The following SPTSSA variants were observed in gnomAD, a reference collection of about 807,000 sequenced individuals.
SPTSSA encodes the protein small subunit of serine palmitoyltransferase A.
Under a neutral mutation model 9.1 loss-of-function variants are expected in SPTSSA, and 8 were observed. The ratio of observed to expected loss-of-function variants is 0.88; its 90% CI spans 0.51 to 1.58. The LOEUF is 1.58. Ranked by LOEUF, SPTSSA falls within the 40% of genes most tolerant of loss-of-function variation. The probability of loss-of-function intolerance (pLI) is 0.00; values close to 1 mark genes in which losing one functional copy is unlikely to be tolerated. For missense variants in SPTSSA, 100 were observed against 93.8 expected, an observed-to-expected ratio of 1.07 and a Z score of -0.27; for synonymous variants, 42 against 37.7, an observed-to-expected ratio of 1.11 and a Z score of -0.41.
chr14:34,458,294 G>T (rs1878531834), intron 1 of SPTSSA, among the ~76,000 whole-genome samples: 1 of 151,812 alleles, frequency 6.6e-6, no homozygotes, highest in African/African-American at 2.4e-5. Flanking sequence ...CCAGGTTCAA[G>T]AGATTCTGGT....
At chr14:34,452,761 CCCAGT>C (rs1028615721) in intron 1 of SPTSSA, among the ~76,000 whole-genome samples, 67 of 152,274 alleles carry the variant, frequency 4.4e-4, no homozygotes, top group African/African-American at 1.5e-3. Context: ...GGAAAAATTT[CCCAGT>C]CTGCTCTGAA....
At chr14:34,455,521 C>T (rs1047451772) in intron 1 of SPTSSA, among the ~76,000 whole-genome samples, 2 of 152,148 alleles carry the variant, frequency 1.3e-5, no homozygotes, top group African/African-American at 4.8e-5. Context: ...TCACCAACTA[C>T]CTTTTTGTAT....
At chr14:34,438,622 T>A (rs1883275551) in intron 1 of SPTSSA, among the ~76,000 whole-genome samples, 1 of 152,138 alleles carries the variant, frequency 6.6e-6, no homozygotes, top group African/African-American at 2.4e-5. Context: ...CGAGTCCAAT[T>A]TTGCCGATTA....
intron 1 of SPTSSA, among the ~76,000 whole-genome samples, chr14:34,447,970 G>C (rs189328214): frequency 6.6e-6 from 1 of 152,056 alleles, no homozygotes; most frequent in Admixed American, 6.6e-5. Flanking sequence ...AAGCTACCCT[G>C]CTGGCAGGGC....
intron 1 of SPTSSA, among the ~76,000 whole-genome samples, chr14:34,442,197 C>T (rs998180581): frequency 2.6e-5 from 4 of 151,890 alleles, no homozygotes; most frequent in South Asian, 2.1e-4. Context: ...TTATAGTTGC[C>T]GTGGACTCTT....
intron 1 of SPTSSA, among the ~76,000 whole-genome samples, chr14:34,457,390 C>T (rs2787442): frequency 0.2 from 29,813 of 152,082 alleles, 3,053 homozygotes; most frequent in South Asian, 0.27. Flanking sequence ...TTCTTTCCCA[C>T]CTTGGGATGC....
chr14:34,447,210 C>T (rs1212683674), intron 1 of SPTSSA, among the ~76,000 whole-genome samples: 10 of 123,816 alleles, frequency 8.1e-5, no homozygotes, highest in African/African-American at 2.2e-4. Context: ...GGTGACAGAG[C>T]GAGACTCCAT....
At chr14:34,444,165 C>T (rs2138822967) in intron 1 of SPTSSA, among the ~76,000 whole-genome samples, 1 of 152,232 alleles carries the variant, frequency 6.6e-6, no homozygotes, top group East Asian at 1.9e-4. Context: ...AGTGTAATGC[C>T]TTTTAGTTCA....
intron 1 of SPTSSA, among the ~76,000 whole-genome samples, chr14:34,459,433 T>G (rs1594627923): frequency 7.3e-6 from 1 of 137,772 alleles, no homozygotes; most frequent in African/African-American, 2.8e-5. Context: ...CACTCCAGCC[T>G]CGGCAACAGA....
intron 1 of SPTSSA, among the ~76,000 whole-genome samples, chr14:34,442,632 C>G (rs143503429): frequency 0.017 from 2,629 of 152,330 alleles, 84 homozygotes; most frequent in African/African-American, 0.061. Flanking sequence ...TGTTTGGAAT[C>G]TGGAGTTTAC....
intron 1 of SPTSSA, among the ~76,000 whole-genome samples, chr14:34,439,222 G>T (rs1222072916): frequency 6.6e-6 from 1 of 152,102 alleles, no homozygotes; most frequent in African/African-American, 2.4e-5. Context: ...TATAGGGTGG[G>T]ATACGGAAAA....
At chr14:34,441,645 T>A (rs1342336973) in intron 1 of SPTSSA, among the ~76,000 whole-genome samples, 1 of 151,894 alleles carries the variant, frequency 6.6e-6, no homozygotes, top group Non-Finnish European at 1.5e-5. Flanking sequence ...TCTTTTCTGC[T>A]CCATACAGGG....
intron 1 of SPTSSA, among the ~76,000 whole-genome samples, chr14:34,445,146 A>G (rs1275835817): frequency 6.6e-6 from 1 of 152,174 alleles, no homozygotes; most frequent in African/African-American, 2.4e-5. Flanking sequence ...GTGTCTAAAA[A>G]TAGTAGAAAA....
Position 34,441,580 on chromosome 14 carries a change from C to A in SPTSSA, c.113-6276G>T, listed in dbSNP as rs116447925. Among the ~76,000 whole-genome samples the A allele has an allele frequency of 9.0e-3, 1,365 of 152,306 alleles. 26 individuals carry two copies. The highest frequency in any genetic ancestry group is 0.031 in the African/African-American group (1,298 of 41,558). ...CAGTTAACATATTTTGGCAAGCCAG[C>A]CAGGAAGAAGAGGTAAACCTAAAGT... On this transcript the variant is annotated intron_variant, in intron 1 of 1. Transcript: ENST00000298130.
intron 1 of SPTSSA, among the ~76,000 whole-genome samples, chr14:34,450,287 T>C (rs1367845951): frequency 6.6e-6 from 1 of 152,234 alleles, no homozygotes; most frequent in Non-Finnish European, 1.5e-5. Context: ...ACACAACCTC[T>C]CTGGACCTGA....
At chr14:34,445,060 A>C (rs1162745289) in intron 1 of SPTSSA, among the ~76,000 whole-genome samples, 2 of 152,172 alleles carry the variant, frequency 1.3e-5, no homozygotes, top group Non-Finnish European at 2.9e-5. Flanking sequence ...GTTGCACCCC[A>C]GCCTGGGCAA....
At chr14:34,442,639 T>TG (rs1883337355) in intron 1 of SPTSSA, among the ~76,000 whole-genome samples, 1 of 152,184 alleles carries the variant, frequency 6.6e-6, no homozygotes, top group Non-Finnish European at 1.5e-5. Flanking sequence ...AATCTGGAGT[T>TG]TACTGTTGAA....
At chr14:34,454,187 G>C (rs893094490) in intron 1 of SPTSSA, among the ~76,000 whole-genome samples, 2 of 151,180 alleles carry the variant, frequency 1.3e-5, no homozygotes, top group Admixed American at 6.6e-5. Context: ...CCTGTTTTAG[G>C]GGGAAAAAAA....
intron 1 of SPTSSA, among the ~76,000 whole-genome samples, chr14:34,444,667 G>A (rs890403994): frequency 4.7e-5 from 7 of 150,276 alleles, no homozygotes; most frequent in African/African-American, 1.2e-4. Flanking sequence ...CAGGAAAATC[G>A]TTTGAACCCA....
Sources: gnomAD v4.1 joint callset for allele counts (sites outside exome capture counted in the v4.1 genomes callset) on GRCh38, gnomAD v4.1.1 for gene constraint, MANE v1.5 for transcripts, NCBI Gene and HGNC (gene_info 2026-07-23, HGNC 2026-07-21) for gene names.